RAB38: variants seen among roughly 807,000 people sequenced by gnomAD.
RAB38 encodes the protein ras-related protein Rab-38.
Under a neutral mutation model 18.4 loss-of-function variants are expected in RAB38, and 15 were observed. The observed-to-expected ratio is 0.82, with a 90% CI of 0.55 to 1.26. The LOEUF (loss-of-function observed/expected upper bound fraction) is 1.26. Ranked by LOEUF, RAB38 falls within the 50% of genes most tolerant of loss-of-function variation. The pLI, the probability that RAB38 is intolerant of heterozygous loss-of-function variation, is 0.00. For missense variants in RAB38, 294 were observed against 267.4 expected, an observed-to-expected ratio of 1.10 and a Z score of -0.69; for synonymous variants, 101 against 104.4, an observed-to-expected ratio of 0.97 and a Z score of 0.20.
chr11:87,937,492 A>C, the RAB38 span, among the ~76,000 whole-genome samples: 1 of 151,436 alleles, frequency 6.6e-6, no homozygotes, highest in Non-Finnish European at 1.5e-5. Flanking sequence ...ATCCTCTTCT[A>C]TTTTCTGGAA....
At chr11:88,045,502 C>T in the RAB38 span, among the ~76,000 whole-genome samples, 2 of 152,324 alleles carry the variant, frequency 1.3e-5, no homozygotes, top group African/African-American at 2.4e-5. Flanking sequence ...CAAGGAATGC[C>T]CGCAGCCCGG....
chr11:88,034,372 G>T, the RAB38 span, among the ~76,000 whole-genome samples: 1 of 152,198 alleles, frequency 6.6e-6, no homozygotes, highest in East Asian at 1.9e-4. Context: ...AAATGCCCAA[G>T]AACACAAATG....
At chr11:88,004,803 G>C in the RAB38 span, among the ~76,000 whole-genome samples, 1 of 151,214 alleles carries the variant, frequency 6.6e-6, no homozygotes, top group Non-Finnish European at 1.5e-5. Context: ...CTCAGGATAA[G>C]GGTTAATATA....
chr11:87,864,865 A>T, the RAB38 span, among the ~76,000 whole-genome samples: 146,355 of 151,822 alleles, frequency 0.96, 70,563 homozygotes, highest in East Asian at 1. Flanking sequence ...GTTCTCAGTG[A>T]GGTTGCTCAT....
At chr11:88,128,188 G>A (rs1403908343) in intron 2 of RAB38, among the ~76,000 whole-genome samples, 2 of 152,174 alleles carry the variant, frequency 1.3e-5, no homozygotes, top group East Asian at 3.9e-4. Context: ...TGGTCACTAT[G>A]AGCAGATTAA....
chr11:87,878,251 C>CATCTATCTATCT, the RAB38 span, among the ~76,000 whole-genome samples: 617 of 103,420 alleles, frequency 6.0e-3, 26 homozygotes, highest in Non-Finnish European at 6.6e-3. Context: ...ACACACCTAT[C>CATCTATCTATCT]ATCTATCTAT....
downstream of RAB38, among the ~76,000 whole-genome samples, chr11:88,110,976 A>C (rs1460975796): frequency 6.6e-6 from 1 of 152,164 alleles, no homozygotes; most frequent in African/African-American, 2.4e-5. Flanking sequence ...CCCTGTCTCT[A>C]CTAAAAATGA....
chr11:87,855,115 A>G, the RAB38 span, among the ~76,000 whole-genome samples: 4 of 152,130 alleles, frequency 2.6e-5, no homozygotes, highest in African/African-American at 9.7e-5. Context: ...TCCTTAATAC[A>G]TGAGCCTATT....
At chr11:87,977,749 A>T in the RAB38 span, among the ~76,000 whole-genome samples, 2 of 1,342 alleles carry the variant, frequency 1.5e-3, no homozygotes, top group Admixed American at 0.012. Context: ...ATATTCTATA[A>T]TATATATATA....
the RAB38 span, among the ~76,000 whole-genome samples, chr11:87,814,259 G>A: frequency 6.6e-6 from 1 of 152,126 alleles, no homozygotes. Context: ...TCTATAATGT[G>A]CTATGTCCGA....
chr11:88,156,458 C>T (rs1943126381), intron 1 of RAB38, among the ~76,000 whole-genome samples: 1 of 152,154 alleles, frequency 6.6e-6, no homozygotes, highest in African/African-American at 2.4e-5. Flanking sequence ...AACCCCAGCA[C>T]TTTGGGAGGC....
At chr11:88,003,852 A>AT in the RAB38 span, among the ~76,000 whole-genome samples, 593 of 28,766 alleles carry the variant, frequency 0.021, 190 homozygotes, top group South Asian at 0.029. Flanking sequence ...TTATATATAT[A>AT]ATTATATAAA....
intron 2 of RAB38, among the ~76,000 whole-genome samples, chr11:88,135,601 A>G (rs1483694238): frequency 1.3e-5 from 2 of 152,128 alleles, no homozygotes; most frequent in East Asian, 3.9e-4. Flanking sequence ...ATCTCTTTCA[A>G]CTCTGATAGT....
At chr11:88,037,504 T>A in the RAB38 span, among the ~76,000 whole-genome samples, 1 of 152,086 alleles carries the variant, frequency 6.6e-6, no homozygotes, top group Non-Finnish European at 1.5e-5. Flanking sequence ...AAGTGCACTT[T>A]TATAAACACA....
the RAB38 span, among the ~76,000 whole-genome samples, chr11:87,974,649 A>C: frequency 6.6e-6 from 1 of 150,864 alleles, no homozygotes; most frequent in Admixed American, 6.6e-5. Context: ...AAATACCTAA[A>C]AATATAAATG....
At chr11:88,012,555 T>C in the RAB38 span, among the ~76,000 whole-genome samples, 4 of 151,404 alleles carry the variant, frequency 2.6e-5, no homozygotes, top group East Asian at 7.9e-4. Flanking sequence ...GGGTGGGGAC[T>C]AGAGTGAAGA....
chr11:88,135,467 G>A (rs1335030328), intron 2 of RAB38, among the ~76,000 whole-genome samples: 1 of 152,158 alleles, frequency 6.6e-6, no homozygotes, highest in Non-Finnish European at 1.5e-5. Flanking sequence ...TTAGACCACA[G>A]GTTAAGTTAA....
At chr11:88,010,130 A>G in the RAB38 span, among the ~76,000 whole-genome samples, 20 of 152,294 alleles carry the variant, frequency 1.3e-4, no homozygotes, top group African/African-American at 4.6e-4. Flanking sequence ...TGTTGCCATC[A>G]AAGAGTTTTG....
chr11:88,071,689 G>A, the RAB38 span, among the ~76,000 whole-genome samples: 139 of 152,278 alleles, frequency 9.1e-4, no homozygotes, highest in African/African-American at 3.2e-3. Context: ...CAAGCCAAGC[G>A]GCAAGTAATA....
Sources: gnomAD v4.1 joint callset for allele counts (sites outside exome capture counted in the v4.1 genomes callset) on GRCh38, gnomAD v4.1.1 for gene constraint, MANE v1.5 for transcripts, NCBI Gene and HGNC (gene_info 2026-07-23, HGNC 2026-07-21) for gene names.